HDAC4: variants seen among roughly 807,000 people sequenced by gnomAD.
HDAC4 encodes histone deacetylase 4, also known as histone deacetylase A.
In HDAC4, 16 loss-of-function variants were observed where a neutral mutation model predicts 135.1. The observed-to-expected ratio is 0.12, with a 90% CI of 0.08 to 0.18. The LOEUF is 0.18. Among genes scored for constraint, HDAC4 ranks in the 10% least tolerant of loss-of-function variants. The probability of loss-of-function intolerance (pLI) is 1.00; values close to 1 mark genes in which losing one functional copy is unlikely to be tolerated. For missense variants in HDAC4, 1,143 were observed against 1,511.8 expected (o/e 0.76, Z 4.05); for synonymous variants, 685 against 653.4 (o/e 1.05, Z -0.74).
rs150280769 is a variant in HDAC4, at chr2:239,133,015, C to G, written c.1294+1230G>C. Among the ~76,000 whole-genome samples, 378 of 152,322 alleles carry G rather than the reference C, an allele frequency of 2.5e-3. 1 individual carries two copies. The highest frequency in any genetic ancestry group is 8.7e-3 in the African/African-American group (361 of 41,566). On this transcript the variant is annotated intron_variant, in intron 11 of 26. Transcript: ENST00000543185. ...CAGAGAGGCACTGTGAGGGCTGCCC[C>G]CTCCCTCGTTACACCACGGGCTCCT...
intron 1 of HDAC4, among the ~76,000 whole-genome samples, chr2:239,390,660 G>A (rs965658220): frequency 2.0e-5 from 3 of 152,064 alleles, no homozygotes; most frequent in Admixed American, 6.5e-5. Context: ...CCATGCGGCC[G>A]CAGCCCCAGC....
rs145313430 is a variant in HDAC4 at position 239,081,118 on chromosome 2, G to A, written c.2727C>T (p.Asp909=). Residue 909 remains aspartate (D), a synonymous_variant, in exon 22 of 27, where the codon GAC becomes GAT. Transcript: ENST00000543185. ...FTGGLDPPMG[D]AEYLAAFRTV... is the part of the protein sequence containing the mutation. ...ACCTGAAGGCCGCCAAGTACTCAGC[G>A]TCTCCCATGGGGGGGTCCAGGCCGC... 59 of 1,613,884 alleles carry A rather than the reference G, an allele frequency of 3.7e-5. No individual in the cohort carries two copies. Among genetic ancestry groups the A allele is most frequent in the East Asian group, 4.5e-5 (2 of 44,878 alleles).
chr2:239,289,277 CT>C (rs1456245776), intron 2 of HDAC4, among the ~76,000 whole-genome samples: 75 of 152,276 alleles, frequency 4.9e-4, no homozygotes, highest in African/African-American at 1.6e-3. Context: ...ACAAGGTTAT[CT>C]TTATGGCCTT....
intron 3 of HDAC4, among the ~76,000 whole-genome samples, chr2:239,191,220 A>G (rs2044927231): frequency 6.6e-6 from 1 of 152,166 alleles, no homozygotes; most frequent in African/African-American, 2.4e-5. Context: ...CTGGGCCAAC[A>G]AGAGGGCTGC....
At chr2:239,329,951 G>C (rs535969987) in intron 2 of HDAC4, among the ~76,000 whole-genome samples, 22 of 152,244 alleles carry the variant, frequency 1.4e-4, no homozygotes, top group Admixed American at 2.6e-4. Flanking sequence ...GAGCAGGAAT[G>C]GGGGAGCAAG....
intron 22 of HDAC4, among the ~76,000 whole-genome samples, chr2:239,071,533 G>A (rs187458349): frequency 6.6e-6 from 1 of 152,264 alleles, no homozygotes; most frequent in Non-Finnish European, 1.5e-5. Flanking sequence ...TGGTCCTCCA[G>A]AACAGGCAAC....
At chr2:239,330,728 G>A (rs186013669) in intron 2 of HDAC4, among the ~76,000 whole-genome samples, 10 of 152,214 alleles carry the variant, frequency 6.6e-5, no homozygotes, top group Non-Finnish European at 8.8e-5. Context: ...GAGAAAAATC[G>A]CTGGCTTCCT....
intron 2 of HDAC4, among the ~76,000 whole-genome samples, chr2:239,268,008 A>G (rs2049846245): frequency 6.6e-6 from 1 of 152,270 alleles, no homozygotes. Context: ...CTTGAATTCC[A>G]GGCATAAATC....
rs1398454505 is a variant in HDAC4 at position 239,176,477 on chromosome 2, C to T, written c.426G>A (p.Glu142=). 1.2e-6 allele frequency: 2 copies of T among 1,613,458 alleles called. No individual in the cohort carries two copies. The highest frequency in any genetic ancestry group is 8.5e-7 in the Non-Finnish European group (1 of 1,179,860). Reference sequence around the variant, plus strand: ...TCTGCTCCCGGTGCTGCTTCTCCAGCTCCTGCTCCTGGCGGTGCCTCTCCA... The same window carrying T: ...TCTGCTCCCGGTGCTGCTTCTCCAGTTCCTGCTCCTGGCGGTGCCTCTCCA... ...RKLERHRQEQ[E]LEKQHREQKL... Residue 142 remains glutamate, a synonymous_variant, in exon 5 of 27, where the codon GAG becomes GAA. Coordinates refer to ENST00000543185, the MANE Select transcript of HDAC4 (RefSeq NM_001378414.1).
intron 12 of HDAC4, among the ~76,000 whole-genome samples, chr2:239,116,771 G>A (rs941453993): frequency 2.0e-5 from 3 of 152,128 alleles, no homozygotes; most frequent in African/African-American, 7.2e-5. Context: ...CGACCACGCC[G>A]CTGGCTCTGC....
rs1418911231 is a variant in HDAC4 at position 239,349,554 on chromosome 2, T to G, written c.22+3124A>C. Among the ~76,000 whole-genome samples the G allele has an allele frequency of 1.3e-5, 2 of 152,078 alleles. No homozygotes were observed. The highest frequency in any genetic ancestry group is 2.9e-5 in the Non-Finnish European group (2 of 67,996). ...AGAGATCTCTGGGGATGGAGCTGCTTGGGAAGGCACACAAGCGAGTGGGCC... is the reference window on the plus strand; with the variant it reads ...AGAGATCTCTGGGGATGGAGCTGCTGGGGAAGGCACACAAGCGAGTGGGCC... On this transcript the variant is annotated intron_variant, in intron 2 of 26. Transcript: ENST00000543185. The surrounding 1 kb of genome is among the most constrained non-coding windows in gnomAD (Gnocchi z 5.7).
chr2:239,124,140 G>A (rs2039926243), intron 12 of HDAC4, among the ~76,000 whole-genome samples: 1 of 152,112 alleles, frequency 6.6e-6, no homozygotes, highest in Non-Finnish European at 1.5e-5. Flanking sequence ...CCTTGTAACA[G>A]CTTTACTGGG....
chr2:239,377,571 C>A (rs971301708), intron 1 of HDAC4, among the ~76,000 whole-genome samples: 1 of 152,228 alleles, frequency 6.6e-6, no homozygotes, highest in Non-Finnish European at 1.5e-5. Flanking sequence ...CCCAAAGGGA[C>A]CTATGATGTA....
intron 3 of HDAC4, among the ~76,000 whole-genome samples, chr2:239,215,936 T>C (rs529433341): frequency 6.6e-6 from 1 of 152,310 alleles, no homozygotes; most frequent in South Asian, 2.1e-4. Context: ...ATTTATGCCA[T>C]TGGCTGGACT....
intron 7 of HDAC4, among the ~76,000 whole-genome samples, chr2:239,152,098 T>G (rs946331584): frequency 2.0e-5 from 3 of 152,254 alleles, no homozygotes; most frequent in African/African-American, 7.2e-5. Flanking sequence ...AAGATCACGA[T>G]GAAGATGTTA....
chr2:239,227,764 C>G (rs2047324470), intron 3 of HDAC4, among the ~76,000 whole-genome samples: 1 of 152,148 alleles, frequency 6.6e-6, no homozygotes, highest in East Asian at 1.9e-4. Context: ...CCATTAAAAG[C>G]CAGAAGGGCC....
chr2:239,144,768 T>A lies in HDAC4; in HGVS notation c.734-54A>T. The A allele has an allele frequency of 1.9e-6, 3 of 1,597,188 alleles. No individual in the cohort carries two copies. The African/African-American group carries it at 4.0e-5, about 21-fold the overall frequency. On this transcript the variant is annotated intron_variant, in intron 7 of 26. Coordinates refer to ENST00000543185, the MANE Select transcript of HDAC4 (RefSeq NM_001378414.1). Reference sequence around the variant, plus strand: ...CAGGCAGACACCACTGGCTCAAGGTTATCCTGTTGGTGGTTTTTTAAAAAT... The same window carrying A: ...CAGGCAGACACCACTGGCTCAAGGTAATCCTGTTGGTGGTTTTTTAAAAAT...
At chr2:239,101,988 CTGGGT>C (rs2037698260) in intron 16 of HDAC4, among the ~76,000 whole-genome samples, 1 of 149,158 alleles carries the variant, frequency 6.7e-6, no homozygotes, top group East Asian at 2.0e-4. Flanking sequence ...GCCCCCAGCC[CTGGGT>C]CCACGTTCTG....
intron 9 of HDAC4, among the ~76,000 whole-genome samples, chr2:239,135,519 T>C (rs1219791538): frequency 6.6e-6 from 1 of 152,242 alleles, no homozygotes; most frequent in Non-Finnish European, 1.5e-5. Context: ...TAATACCATC[T>C]TGGCCTAGAG....
Sources: gnomAD v4.1 joint callset for allele counts (sites outside exome capture counted in the v4.1 genomes callset) on GRCh38, gnomAD v4.1.1 for gene constraint, Gnocchi (gnomAD v3.1) non-coding constraint, MANE v1.5 for transcripts, NCBI Gene and HGNC (gene_info 2026-07-23, HGNC 2026-07-21) for gene names.